The following SP140 variants were observed in gnomAD, a reference collection of about 807,000 sequenced individuals.
The protein encoded by SP140 is SP140 nuclear body protein, also known as nuclear body protein SP140.
Under a neutral mutation model 125.0 loss-of-function variants are expected in SP140, and 81 were observed. The ratio of observed to expected loss-of-function variants is 0.65; its 90% CI spans 0.54 to 0.78. The LOEUF is 0.78. Ranked by LOEUF, SP140 falls within the 30% of genes least tolerant of loss-of-function variation. The pLI is 0.00. For synonymous variants in SP140, 312 were observed against 354.0 expected, an observed-to-expected ratio of 0.88 and a Z score of 1.33; for missense variants, 858 against 1,037.0, an observed-to-expected ratio of 0.83 and a Z score of 2.37.
chr2:230,261,780 T>A (rs2052296688), intron 12 of SP140, among the ~76,000 whole-genome samples: 1 of 152,192 alleles, frequency 6.6e-6, no homozygotes, highest in Non-Finnish European at 1.5e-5. Context: ...TGTTAAGCCA[T>A]CCCTGCATCC....
At chr2:230,280,543 T>C (rs2055390019) in intron 15 of SP140, among the ~76,000 whole-genome samples, 2 of 152,156 alleles carry the variant, frequency 1.3e-5, no homozygotes, top group Admixed American at 1.3e-4. Flanking sequence ...CATTCTCTAT[T>C]TGTATCTTTC....
intron 18 of SP140, among the ~76,000 whole-genome samples, chr2:230,288,760 GT>G (rs1230662111): frequency 6.6e-6 from 1 of 151,988 alleles, no homozygotes; most frequent in African/African-American, 2.4e-5. Flanking sequence ...CAGAATGATG[GT>G]TTCCAGCTTC....
chr2:230,287,293 C>G (rs182878715), intron 17 of SP140, among the ~76,000 whole-genome samples: 1 of 152,146 alleles, frequency 6.6e-6, no homozygotes, highest in Admixed American at 6.5e-5. Flanking sequence ...ACTTTCAGCA[C>G]GAGGGTACAA....
At chr2:230,197,855 A>G in the SP140 span, among the ~76,000 whole-genome samples, 2 of 152,110 alleles carry the variant, frequency 1.3e-5, no homozygotes, top group Non-Finnish European at 2.9e-5. Flanking sequence ...GTCTTACTAC[A>G]TTGTCAAGCT....
At chr2:230,286,514 T>A (rs1485908176) in intron 17 of SP140, among the ~76,000 whole-genome samples, 2 of 152,180 alleles carry the variant, frequency 1.3e-5, no homozygotes, top group East Asian at 3.8e-4. Context: ...GGTGCAGCCG[T>A]GAAATGACAT....
intron 3 of SP140, chr2:230,219,856 G>A: frequency 1.1e-6 from 1 of 948,518 alleles, no homozygotes; most frequent in African/African-American, 1.8e-5. Flanking sequence ...GAATAAAGCA[G>A]CAAAGACAGA....
chr2:230,198,576 C>T (rs139375582), upstream of SP140, among the ~76,000 whole-genome samples: 931 of 151,966 alleles, frequency 6.1e-3, 28 homozygotes, highest in Admixed American at 0.047. Context: ...TGCAACCAGT[C>T]CTGGCAATAA....
chr2:230,237,047 C>A lies in SP140; in HGVS notation c.60-36C>A. 1 of 1,505,868 alleles carries A rather than the reference C, an allele frequency of 6.6e-7. No individual in the cohort carries two copies. The highest frequency in any genetic ancestry group is 1.4e-5 in the South Asian group (1 of 72,726). The allele number at this position is 1,505,868 out of a possible 1,614,324, so 93.3% of individuals were successfully genotyped here. A position where few individuals can be genotyped will look rare whatever the true frequency, so the allele number is the denominator to read the frequency against. On this transcript the variant is annotated intron_variant, in intron 1 of 26. Transcript: ENST00000392045. The surrounding 1 kb of genome is among the most constrained non-coding windows in gnomAD (Gnocchi z 5.4). ...AACCACCACAAACCTCTTGGAAACT[C>A]AGTGTCTACTTCCACGTTGTATCTT... is the stretch of plus-strand genomic sequence containing the variant.
intron 15 of SP140, among the ~76,000 whole-genome samples, chr2:230,271,423 G>A (rs2053907699): frequency 6.6e-6 from 1 of 152,168 alleles, no homozygotes; most frequent in South Asian, 2.1e-4. Flanking sequence ...AAGAACATGG[G>A]AGAGAAAGCC....
At chr2:230,198,097 T>C in the SP140 span, among the ~76,000 whole-genome samples, 1 of 145,098 alleles carries the variant, frequency 6.9e-6, no homozygotes, top group Non-Finnish European at 1.5e-5. Flanking sequence ...AAGTTCTCTG[T>C]AGGACAATAG....
chr2:230,247,796 G>T (rs750594860), intron 7 of SP140, 120 bp from the exon 8 acceptor site: 127 of 946,218 alleles, frequency 1.3e-4, no homozygotes, highest in Non-Finnish European at 1.9e-4. Context: ...TTTCCTAAAG[G>T]CTTAGCCCTG....
Position 230,312,911 on chromosome 2 carries a change from G to C in SP140, c.*227G>C, listed in dbSNP as rs2059433649. 1.2e-5 allele frequency: 5 copies of C among 417,762 alleles called. No individual in the cohort carries two copies. Among genetic ancestry groups the C allele is most frequent in the South Asian group, 9.2e-5 (4 of 43,382 alleles). The allele number at this position is 417,762 out of a possible 1,614,324, so 25.9% of individuals were successfully genotyped here. ...CCAGGGAAGAGTAAGTGGGATCACA[G>C]GGAAGGATGTTGGCAGCGACACCAT... On this transcript the variant is annotated 3_prime_UTR_variant, in exon 27 of 27. Coordinates refer to ENST00000392045, the MANE Select transcript of SP140 (RefSeq NM_007237.5).
At chr2:230,264,015 G>T (rs575474526) in intron 12 of SP140, among the ~76,000 whole-genome samples, 2 of 152,080 alleles carry the variant, frequency 1.3e-5, no homozygotes, top group African/African-American at 4.8e-5. Context: ...GGATGTCTAG[G>T]TCTCTAGCAA....
chr2:230,275,498 TATAA>T (rs2054583067), intron 15 of SP140, among the ~76,000 whole-genome samples: 1 of 152,204 alleles, frequency 6.6e-6, no homozygotes, highest in Non-Finnish European at 1.5e-5. Context: ...ACTGTGTTCG[TATAA>T]GATGGCAAAC....
intron 14 of SP140, 129 bp downstream of exon 14, chr2:230,270,082 G>A: frequency 1.5e-6 from 1 of 649,264 alleles, no homozygotes; most frequent in Non-Finnish European, 2.8e-6. Flanking sequence ...TGAGCCTTTG[G>A]GGAGCTGCAG....
At chr2:230,235,328 C>A (rs2047813660) in intron 1 of SP140, among the ~76,000 whole-genome samples, 1 of 152,164 alleles carries the variant, frequency 6.6e-6, no homozygotes. Context: ...CCCCTCAGAC[C>A]ACTTTTTCTC....
chr2:230,289,213 G>A (rs1471994739), intron 18 of SP140, among the ~76,000 whole-genome samples: 1 of 152,186 alleles, frequency 6.6e-6, no homozygotes, highest in Non-Finnish European at 1.5e-5. Flanking sequence ...TTTCTCTAAT[G>A]ACCAGTGATG....
chr2:230,228,170 CT>C (rs2046732722), intron 1 of SP140, among the ~76,000 whole-genome samples: 1 of 152,050 alleles, frequency 6.6e-6, no homozygotes, highest in Non-Finnish European at 1.5e-5. Flanking sequence ...GACCCTAGAA[CT>C]CTTTTGGTTA....
Position 230,237,099 on chromosome 2 carries a change from C to T in SP140, c.76C>T (p.Gln26Ter). The change falls in exon 2 of 27, where the codon CAG becomes TAG. Residue 26 changes from glutamine (Q) to a stop codon, truncating the protein, a stop_gained. Transcript: ENST00000392045. LOFTEE classifies it high-confidence loss of function. The surrounding 1 kb of genome is among the most constrained non-coding windows in gnomAD (Gnocchi z 5.4). ...NLNFRMVAEI[Q>*]NVEGQNLQEQ... ...GTTTCTTAGGATGGTCGCAGAGATCCAGAACGTAGAGGGTCAGAACCTGCA... is the reference window on the plus strand; with the variant it reads ...GTTTCTTAGGATGGTCGCAGAGATCTAGAACGTAGAGGGTCAGAACCTGCA... The T allele has an allele frequency of 1.3e-6, 2 of 1,590,770 alleles. No individual in the cohort carries two copies. The highest frequency in any genetic ancestry group is 2.7e-5 in the African/African-American group (2 of 73,102).
Sources: gnomAD v4.1 joint callset for allele counts (sites outside exome capture counted in the v4.1 genomes callset) on GRCh38, gnomAD v4.1.1 for gene constraint, Gnocchi (gnomAD v3.1) non-coding constraint, MANE v1.5 for transcripts, NCBI Gene and HGNC (gene_info 2026-07-23, HGNC 2026-07-21) for gene names.